The following MAN1A2 variants were observed in gnomAD, a reference collection of about 807,000 sequenced individuals.
The protein encoded by MAN1A2 is mannosidase alpha class 1A member 2, also known as mannosyl-oligosaccharide 1,2-alpha-mannosidase IB.
In MAN1A2, 26 loss-of-function variants were observed where a neutral mutation model predicts 75.7. The ratio of observed to expected loss-of-function variants is 0.34; its 90% CI spans 0.25 to 0.48. MAN1A2 has a LOEUF of 0.48. MAN1A2 is among the 20% of genes least tolerant of loss of function. The probability of loss-of-function intolerance (pLI) is 0.99; values close to 1 mark genes in which losing one functional copy is unlikely to be tolerated. For synonymous variants in MAN1A2, 247 were observed against 264.6 expected (o/e 0.93, Z 0.65); for missense variants, 562 against 775.5 (o/e 0.72, Z 3.27).
intron 12 of MAN1A2, chr1:117,514,785 CTG>C: frequency 1.9e-6 from 1 of 529,306 alleles, no homozygotes; most frequent in Admixed American, 2.0e-5. Flanking sequence ...TTAGAGAAGA[CTG>C]AAAAACAAAG....
chr1:117,432,662 T>C (rs1200937485), intron 5 of MAN1A2, among the ~76,000 whole-genome samples: 1 of 152,144 alleles, frequency 6.6e-6, no homozygotes, highest in African/African-American at 2.4e-5. Flanking sequence ...AATGGCTTTA[T>C]TGGTGAATTA....
chr1:117,489,758 A>G (rs1468590480), intron 8 of MAN1A2, among the ~76,000 whole-genome samples: 4 of 152,154 alleles, frequency 2.6e-5, no homozygotes, highest in Admixed American at 2.6e-4. Context: ...TTACTTTTAA[A>G]TGATTAATCA....
intron 12 of MAN1A2, among the ~76,000 whole-genome samples, chr1:117,514,370 A>AG (rs560885092): frequency 1.3e-5 from 2 of 152,092 alleles, no homozygotes; most frequent in East Asian, 3.9e-4. Flanking sequence ...TCAAAAAAAA[A>AG]AAAAAGAAGA....
At chr1:117,426,613 A>G (rs982435783) in intron 5 of MAN1A2, among the ~76,000 whole-genome samples, 3 of 152,166 alleles carry the variant, frequency 2.0e-5, no homozygotes, top group Admixed American at 2.0e-4. Flanking sequence ...AACAAAGCCC[A>G]GTTTATAGTA....
chr1:117,522,199 G>A (rs1651888278), intron 12 of MAN1A2, among the ~76,000 whole-genome samples: 2 of 151,776 alleles, frequency 1.3e-5, no homozygotes, highest in South Asian at 4.2e-4. Context: ...AATGACAGCA[G>A]AGTCCTCATC....
At chr1:117,457,952 T>C (rs1438841618) in intron 6 of MAN1A2, among the ~76,000 whole-genome samples, 1 of 152,198 alleles carries the variant, frequency 6.6e-6, no homozygotes, top group Admixed American at 6.6e-5. Flanking sequence ...ATCTGCTGTT[T>C]CCCTTACTGG....
At chr1:117,447,527 G>A (rs1649274494) in intron 6 of MAN1A2, among the ~76,000 whole-genome samples, 1 of 152,038 alleles carries the variant, frequency 6.6e-6, no homozygotes, top group African/African-American at 2.4e-5. Context: ...CTGTTGATAG[G>A]TACTGTCTTC....
chr1:117,524,694 T>G lies in MAN1A2; in HGVS notation c.*1737T>G, dbSNP rs528804543. On this transcript the variant is annotated 3_prime_UTR_variant, in exon 13 of 13. Transcript: ENST00000356554. ...CTACTGATCCGTAAATGATAACCAC[T>G]GCAAATTTTTTCAGTATAAAATTTT... is the stretch of plus-strand genomic sequence containing the variant. 6.7e-4 allele frequency: 104 copies of G among 154,954 alleles called. 4 individuals carry two copies. In the South Asian group the frequency reaches 0.019, roughly 28 times the overall value. The allele number at this position is 154,954 out of a possible 1,614,324, so 9.6% of individuals were successfully genotyped here.
At chr1:117,506,413 A>G (rs1458511040) in intron 12 of MAN1A2, among the ~76,000 whole-genome samples, 1 of 151,598 alleles carries the variant, frequency 6.6e-6, no homozygotes, top group Non-Finnish European at 1.5e-5. Context: ...CTATAGGCAT[A>G]CTTTTTTCCC....
At chr1:117,431,197 GA>G (rs1393312653) in intron 5 of MAN1A2, among the ~76,000 whole-genome samples, 7,953 of 28,420 alleles carry the variant, frequency 0.28, 751 homozygotes, top group Non-Finnish European at 0.41. Context: ...TGGGGAGAGG[GA>G]GGGGGAGGGG....
At chr1:117,409,618 T>C (rs1307128236) in intron 3 of MAN1A2, among the ~76,000 whole-genome samples, 9 of 152,058 alleles carry the variant, frequency 5.9e-5, no homozygotes, top group Non-Finnish European at 1.3e-4. Flanking sequence ...GTCTCTATCT[T>C]AGTTGGGTTT....
chr1:117,500,640 A>G lies in MAN1A2; in HGVS notation c.1677+1086A>G, dbSNP rs545400115. Among the ~76,000 whole-genome samples the G allele has an allele frequency of 5.3e-5, 8 of 152,002 alleles. No individual in the cohort carries two copies. In the South Asian group the frequency reaches 8.3e-4, roughly 16 times the overall value. ...GACCTAGATAGTCCTGCTGGACTTT[A>G]ACAATAAGAGCATATTAATGGAAAC... On this transcript the variant is annotated intron_variant, in intron 11 of 12. Transcript: ENST00000356554.
rs140761995 is a variant in MAN1A2, at chr1:117,371,803, T to A, written c.302+3318T>A. 3.7e-3 allele frequency among the ~76,000 whole-genome samples: 568 copies of A among 152,200 alleles called. 3 individuals are homozygous for A. The highest frequency in any genetic ancestry group is 0.013 in the African/African-American group (543 of 41,504). The stretch of plus-strand genomic sequence containing the variant: ...AGCATTCACAGATCAGGAGATTTCA[T>A]GTTAAAGTCTGGATTTCTGATCTTT... On this transcript the variant is annotated intron_variant, in intron 1 of 12. Transcript: ENST00000356554.
intron 12 of MAN1A2, among the ~76,000 whole-genome samples, chr1:117,521,637 A>C (rs1216746064): frequency 1.3e-5 from 2 of 152,022 alleles, no homozygotes; most frequent in African/African-American, 4.8e-5. Flanking sequence ...AATCACTAAA[A>C]GTAGAACTAC....
intron 1 of MAN1A2, among the ~76,000 whole-genome samples, chr1:117,384,089 A>G (rs1377608893): frequency 6.6e-6 from 1 of 152,132 alleles, no homozygotes; most frequent in Non-Finnish European, 1.5e-5. Context: ...TTTTGGTTTC[A>G]TTAGATTCTC....
At chr1:117,386,044 C>T (rs1557928883) in intron 1 of MAN1A2, among the ~76,000 whole-genome samples, 2 of 152,128 alleles carry the variant, frequency 1.3e-5, no homozygotes, top group Admixed American at 1.3e-4. Context: ...TAGGCAATAC[C>T]CTTGCTGCTA....
At chr1:117,499,134 AG>A (rs1329494504) in intron 10 of MAN1A2, among the ~76,000 whole-genome samples, 1 of 151,976 alleles carries the variant, frequency 6.6e-6, no homozygotes, top group African/African-American at 2.4e-5. Flanking sequence ...TAGATTTAGC[AG>A]TATGTTGATA....
chr1:117,506,670 C>A (rs1037621606), intron 12 of MAN1A2, among the ~76,000 whole-genome samples: 3 of 151,510 alleles, frequency 2.0e-5, no homozygotes, highest in Admixed American at 6.6e-5. Flanking sequence ...ATGCAGAAGT[C>A]TTTTAGAGAA....
chr1:117,412,339 CTGT>C (rs1220824964), intron 3 of MAN1A2, among the ~76,000 whole-genome samples: 1 of 151,560 alleles, frequency 6.6e-6, no homozygotes, highest in South Asian at 2.1e-4. Context: ...CTGTGCTTGT[CTGT>C]TGTTACATTT....
Sources: allele counts gnomAD v4.1 joint callset (sites outside exome capture counted in the v4.1 genomes callset), GRCh38; gene constraint gnomAD v4.1.1; transcripts MANE v1.5; gene names NCBI Gene and HGNC (gene_info 2026-07-23, HGNC 2026-07-21).